CDC14B: variants seen among roughly 807,000 people sequenced by gnomAD.
CDC14B encodes cell division cycle 14B.
In CDC14B, 22 loss-of-function variants were observed where a neutral mutation model predicts 64.2. The ratio of observed to expected loss-of-function variants is 0.34; its 90% confidence interval spans 0.24 to 0.49. The LOEUF (loss-of-function observed/expected upper bound fraction) is 0.49. Ranked by LOEUF, CDC14B falls within the 20% of genes least tolerant of loss-of-function variation. CDC14B has a pLI of 0.99. For synonymous variants in CDC14B, 191 were observed against 215.8 expected (o/e 0.89, Z 1.01); for missense variants, 498 against 629.9 (o/e 0.79, Z 2.24).
At chr9:96,510,459 C>A (rs1160073681) in intron 12 of CDC14B, among the ~76,000 whole-genome samples, 3 of 151,512 alleles carry the variant, frequency 2.0e-5, no homozygotes, top group Non-Finnish European at 4.4e-5. Context: ...GGAGGAAGCA[C>A]ACGATGAATC....
chr9:96,515,586 T>C lies in CDC14B; in HGVS notation c.1344-5797A>G. On this transcript the variant is annotated intron_variant, in intron 12 of 13. Transcript: ENST00000375241. The surrounding 1 kb of genome is among the most constrained non-coding windows in gnomAD (Gnocchi z 4.3). ...GAGCTGACAAGGAGAAAAACATGCA[T>C]TGTGGGAACCACACTAGGCACCAGA... is the stretch of plus-strand genomic sequence containing the variant. The C allele has an allele frequency of 1.4e-6, 2 of 1,421,418 alleles. No homozygotes were observed. Among genetic ancestry groups the C allele is most frequent in the Non-Finnish European group, 1.9e-6 (2 of 1,076,016 alleles). 88.1% of individuals were successfully genotyped at this position (1,421,418 alleles called of 1,614,324 possible).
At chr9:96,587,592 T>C (rs550213370) in intron 1 of CDC14B, among the ~76,000 whole-genome samples, 19 of 152,338 alleles carry the variant, frequency 1.2e-4, no homozygotes, top group Admixed American at 1.1e-3. Context: ...CAAGTGAATA[T>C]GTACACAGAG....
Position 96,522,488 on chromosome 9 carries a change from A to C in CDC14B, c.1343+18T>G, listed in dbSNP as rs773074340. The C allele has an allele frequency of 3.9e-5, 60 of 1,555,102 alleles. No homozygotes were observed. In the Admixed American group the frequency reaches 9.7e-4, roughly 25 times the overall value. Reference sequence around the variant, plus strand: ...CATATGAAGAAACATCAACCACAACAAAGGAACCCAGACTCACGTGAGAGG... The same window carrying C: ...CATATGAAGAAACATCAACCACAACCAAGGAACCCAGACTCACGTGAGAGG... On this transcript the variant is annotated intron_variant, in intron 12 of 13. Coordinates refer to ENST00000375241, the MANE Select transcript of CDC14B (RefSeq NM_033331.4).
chr9:96,551,534 T>C (rs896298425), intron 5 of CDC14B, among the ~76,000 whole-genome samples: 2 of 152,062 alleles, frequency 1.3e-5, no homozygotes, highest in African/African-American at 4.8e-5. Context: ...TTCTGAGTTT[T>C]GACAATTAGA....
intron 9 of CDC14B, among the ~76,000 whole-genome samples, chr9:96,531,838 T>C (rs1321009032): frequency 1.3e-5 from 2 of 152,182 alleles, no homozygotes; most frequent in Non-Finnish European, 2.9e-5. Flanking sequence ...TATTTGCCTT[T>C]ATCAGAAATC....
At chr9:96,516,352 G>A (rs565451635) in intron 12 of CDC14B, among the ~76,000 whole-genome samples, 1 of 152,198 alleles carries the variant, frequency 6.6e-6, no homozygotes, top group African/African-American at 2.4e-5. Context: ...TTAACCCAGG[G>A]CAACACAAAA....
chr9:96,551,013 C>T (rs747403039), intron 5 of CDC14B, among the ~76,000 whole-genome samples: 14 of 151,312 alleles, frequency 9.3e-5, no homozygotes, highest in East Asian at 1.9e-4. Context: ...TTATTGGGAA[C>T]GTTTCTTAAC....
At chr9:96,539,864 T>A (rs1839795413) in intron 6 of CDC14B, among the ~76,000 whole-genome samples, 1 of 152,144 alleles carries the variant, frequency 6.6e-6, no homozygotes, top group Non-Finnish European at 1.5e-5. Flanking sequence ...CTGAGAAATA[T>A]CCTCCTGGCT....
At chr9:96,544,492 A>G (rs1285191946) in intron 5 of CDC14B, among the ~76,000 whole-genome samples, 3 of 152,152 alleles carry the variant, frequency 2.0e-5, no homozygotes, top group Admixed American at 2.0e-4. Context: ...GACAGAATGC[A>G]GGGTCTTGTT....
chr9:96,530,789 G>A (rs1355370463), intron 9 of CDC14B, among the ~76,000 whole-genome samples: 3 of 151,994 alleles, frequency 2.0e-5, no homozygotes, highest in Non-Finnish European at 4.4e-5. Flanking sequence ...TGAGTATGAT[G>A]TTAGCTGTGG....
chr9:96,573,188 G>A (rs1451785630), intron 1 of CDC14B, among the ~76,000 whole-genome samples: 1 of 152,148 alleles, frequency 6.6e-6, no homozygotes, highest in East Asian at 1.9e-4. Flanking sequence ...GCCCGCGCCT[G>A]TAATCCCAGC....
At chr9:96,606,913 G>A (rs893605275) in intron 1 of CDC14B, among the ~76,000 whole-genome samples, 1 of 151,990 alleles carries the variant, frequency 6.6e-6, no homozygotes, top group Non-Finnish European at 1.5e-5. Context: ...GTGTGCACCT[G>A]TAGTCTCAGC....
At chr9:96,616,818 C>A (rs1462960165) in intron 1 of CDC14B, among the ~76,000 whole-genome samples, 1 of 151,946 alleles carries the variant, frequency 6.6e-6, no homozygotes, top group Non-Finnish European at 1.5e-5. Context: ...GAGGGAAAAA[C>A]ACGTTGAGAA....
chr9:96,573,918 T>C (rs1436715947), intron 1 of CDC14B, among the ~76,000 whole-genome samples: 5 of 151,812 alleles, frequency 3.3e-5, no homozygotes, highest in African/African-American at 1.2e-4. Context: ...GAGGCCGAGG[T>C]GGGCGGATCA....
chr9:96,493,925 G>A (rs972831566), intron 13 of CDC14B, among the ~76,000 whole-genome samples: 6 of 152,176 alleles, frequency 3.9e-5, no homozygotes, highest in African/African-American at 7.2e-5. Context: ...CCCAGGACTC[G>A]CGCTGCCTCC....
chr9:96,589,651 G>A (rs1292175725), intron 1 of CDC14B, among the ~76,000 whole-genome samples: 4 of 152,098 alleles, frequency 2.6e-5, no homozygotes, highest in Non-Finnish European at 4.4e-5. Flanking sequence ...ATGTAACACC[G>A]AGCTTTTAAA....
chr9:96,546,401 G>A (rs2131954048), intron 5 of CDC14B, among the ~76,000 whole-genome samples: 1 of 151,982 alleles, frequency 6.6e-6, no homozygotes, highest in East Asian at 1.9e-4. Context: ...ATGACTGACT[G>A]GAAAGGGGTG....
chr9:96,551,921 A>T (rs1463016323), intron 4 of CDC14B, 49 bp from the exon 5 acceptor site: 2 of 1,577,916 alleles, frequency 1.3e-6, no homozygotes, highest in Admixed American at 3.7e-5. Flanking sequence ...AAGTGAAGAT[A>T]CAGTGCTGTC....
intron 1 of CDC14B, among the ~76,000 whole-genome samples, chr9:96,585,548 G>A (rs1022926049): frequency 6.6e-5 from 10 of 152,104 alleles, no homozygotes; most frequent in Non-Finnish European, 1.5e-5. Context: ...TCAGGGAAAT[G>A]CAAATTAAAA....
Sources: allele counts gnomAD v4.1 joint callset (sites outside exome capture counted in the v4.1 genomes callset), GRCh38; gene constraint gnomAD v4.1.1; non-coding constraint Gnocchi (gnomAD v3.1); transcripts MANE v1.5; gene names NCBI Gene and HGNC (gene_info 2026-07-23, HGNC 2026-07-21).